Variants in TEX13C observed in about 807,000 individuals in gnomAD.
The protein encoded by TEX13C is TEX13 family member C.
For missense variants in TEX13C, 480 were observed against 298.7 expected, an observed-to-expected ratio of 1.61 and a Z score of -4.47; for synonymous variants, 219 against 116.6, an observed-to-expected ratio of 1.88 and a Z score of -5.65.
rs958389902 is a variant in TEX13C at position 125,322,937 on chromosome X, A to G, written c.2818A>G (p.Lys940Glu). ...GCAGAAGGTCAAGGAACAAAAAAGGAAAAAGGCCTCAGAATCCCAGCAACA... is the reference window on the plus strand; with the variant it reads ...GCAGAAGGTCAAGGAACAAAAAAGGGAAAAGGCCTCAGAATCCCAGCAACA... Residue 940 changes from lysine (K) to glutamate (E), a missense_variant, in exon 1 of 1, where the codon AAA becomes GAA. Physicochemically the swap from Lys to Glu is moderately conservative, Grantham distance 56. Transcript: ENST00000632600. 1.9e-5 allele frequency: 10 copies of G among 513,859 alleles called. No individual in the cohort carries two copies. In the African/African-American group the frequency reaches 2.3e-4, roughly 12 times the overall value. The allele number at this position is 513,859 out of a possible 1,213,427, so 42.3% of individuals were successfully genotyped here.
At position 125,321,729 on chromosome X, in the gene TEX13C, T is replaced by TC; in HGVS notation, c.1615dup (p.Leu539ProfsTer71). On this transcript the variant is annotated frameshift_variant, in exon 1 of 1. Transcript: ENST00000632600. LOFTEE classifies it low-confidence loss of function (END_TRUNC). Reference sequence around the variant, plus strand: ...GATCCAGTGATGCCCCAGAAGATGGTCCCCCTGGGGGACAGCAGAAGCCAC... The same window carrying TC: ...GATCCAGTGATGCCCCAGAAGATGGTCCCCCCTGGGGGACAGCAGAAGCCAC... 2.0e-6 allele frequency: 1 copy of TC among 508,022 alleles called. No homozygotes were observed. Among genetic ancestry groups the TC allele is most frequent in the South Asian group, 2.5e-5 (1 of 40,436 alleles). 41.9% of individuals were successfully genotyped at this position (508,022 alleles called of 1,213,427 possible). A position where few individuals can be genotyped will look rare whatever the true frequency, so the allele number is the denominator to read the frequency against.
chrX:125,322,433 C>T (rs2018856087), exon 1 of TEX13C: 1 of 507,161 alleles, frequency 2.0e-6, no homozygotes. Context: ...CAGCAACAGC[C>T]ATAGCCTGAA....
At chrX:125,320,587 T>C (rs1289271578) in exon 1 of TEX13C, 1 of 514,653 alleles carries the variant, frequency 1.9e-6, no homozygotes, top group Admixed American at 2.6e-5. Flanking sequence ...TGCAGGTCTA[T>C]CCGATGCCTC....
exon 1 of TEX13C, chrX:125,324,510 A>G (rs1281920182): frequency 9.0e-6 from 1 of 111,409 alleles, no homozygotes; most frequent in Admixed American, 9.5e-5. Flanking sequence ...TCCTGGGCTC[A>G]AGTGATCCTC....
chrX:125,320,342 A>G, exon 1 of TEX13C: 1 of 515,751 alleles, frequency 1.9e-6, no homozygotes, highest in South Asian at 2.5e-5. Context: ...TTTGGCGCTG[A>G]GTGTGCAAGT....
chrX:125,322,854 T>C, exon 1 of TEX13C: 1 of 514,940 alleles, frequency 1.9e-6, no homozygotes, highest in Non-Finnish European at 3.5e-6. Context: ...GTAACCCCTC[T>C]GGAGGATAGC....
chrX:125,321,970 C>T (rs1450402551), exon 1 of TEX13C: 6 of 494,347 alleles, frequency 1.2e-5, no homozygotes, highest in African/African-American at 2.5e-5. Context: ...CAGTGGTGCC[C>T]CAGGACACAG....
At position 125,322,961 on chromosome X, in the gene TEX13C, C is replaced by T. The variant is rs776723148; in HGVS notation, c.2842C>T (p.Gln948Ter). The T allele has an allele frequency of 3.9e-6, 2 of 515,645 alleles. No individual in the cohort carries two copies. Among genetic ancestry groups the T allele is most frequent in the Non-Finnish European group, 7.0e-6 (2 of 287,117 alleles). 42.5% of individuals were successfully genotyped at this position (515,645 alleles called of 1,213,427 possible). A position where few individuals can be genotyped will look rare whatever the true frequency, so the allele number is the denominator to read the frequency against. Residue 948 changes from glutamine (Q) to a stop codon, truncating the protein, a stop_gained, in exon 1 of 1, where the codon CAG becomes TAG. Transcript: ENST00000632600. LOFTEE classifies it low-confidence loss of function (END_TRUNC). ...GAAAAAGGCCTCAGAATCCCAGCAA[C>T]AGAAGCCTGCCTCATGCTCCAGCCC...
exon 1 of TEX13C, chrX:125,321,553 T>C (rs1177632193): frequency 2.1e-6 from 1 of 476,476 alleles, no homozygotes; most frequent in African/African-American, 2.9e-5. Flanking sequence ...CCCTGATGTA[T>C]AGCAGGAGGC....
chrX:125,324,130 T>G (rs1178280664), exon 1 of TEX13C: 1 of 111,988 alleles, frequency 8.9e-6, no homozygotes. Context: ...TTAATTTCAT[T>G]TAATTCATTA....
exon 1 of TEX13C, chrX:125,321,170 G>A (rs1459060728): frequency 1.9e-6 from 1 of 513,460 alleles, no homozygotes; most frequent in Non-Finnish European, 3.5e-6. Flanking sequence ...AGCTCCCCCA[G>A]AGTTTAGCAG....
upstream of TEX13C, among the ~76,000 whole-genome samples, chrX:125,319,905 G>A (rs1054581196): frequency 7.1e-5 from 8 of 112,210 alleles, no homozygotes; most frequent in Admixed American, 7.5e-4. Context: ...GATAGGGTTC[G>A]GTGTGGCGAG....
chrX:125,324,534 C>G (rs1408140893), exon 1 of TEX13C: 1 of 111,421 alleles, frequency 9.0e-6, no homozygotes, highest in Non-Finnish European at 1.9e-5. Context: ...CTCAGCCTCC[C>G]GAGTGGCTGT....
At chrX:125,320,085 C>T, upstream of TEX13C, 1 of 460,410 alleles carries the variant, frequency 2.2e-6, no homozygotes, top group Non-Finnish European at 3.8e-6. Flanking sequence ...AGGCGACGCA[C>T]CGTGAGGCAG....
At chrX:125,322,716 A>G (rs1379041507) in exon 1 of TEX13C, 1 of 514,910 alleles carries the variant, frequency 1.9e-6, no homozygotes, top group Admixed American at 2.6e-5. Flanking sequence ...GTGGTGCACC[A>G]GGAGGTGGTC....
At chrX:125,323,188 C>T (rs1210881626) in exon 1 of TEX13C, 1 of 424,181 alleles carries the variant, frequency 2.4e-6, no homozygotes, top group Non-Finnish European at 4.1e-6. Context: ...AAAAAAGTAA[C>T]TTATTTACTT....
In TEX13C at chrX:125,322,043, G is replaced by A. The variant is rs1440052595; in HGVS notation, c.1924G>A (p.Val642Ile). Residue 642 changes from valine to isoleucine, a missense_variant, in exon 1 of 1, where the codon GTC (valine) becomes ATC (isoleucine). Physicochemically the swap from Val to Ile is conservative, Grantham distance 29 (BLOSUM62 3). Transcript: ENST00000632600. ...AGTGCCAGTGATGCCCAAGGAGATG[G>A]TCCCCCTGGGGGACAGCCACAGCCT... 8 of 437,418 alleles carry A rather than the reference G, an allele frequency of 1.8e-5. No homozygotes were observed. The Middle Eastern group carries it at 1.7e-3, about 93-fold the overall frequency. The allele number at this position is 437,418 out of a possible 1,213,427, so 36.0% of individuals were successfully genotyped here. A position where few individuals can be genotyped will look rare whatever the true frequency, so the allele number is the denominator to read the frequency against.
At chrX:125,321,403 C>T in exon 1 of TEX13C, 4 of 514,053 alleles carry the variant, frequency 7.8e-6, no homozygotes, top group Non-Finnish European at 1.4e-5. Flanking sequence ...CAGTGATGCC[C>T]CAGAAGATGG....
chrX:125,323,842 A>AC (rs2018870034), exon 1 of TEX13C: 1 of 111,819 alleles, frequency 8.9e-6, no homozygotes. Flanking sequence ...CCTCACTGAG[A>AC]CCCCAACTGG....
Sources: allele counts gnomAD v4.1 joint callset (sites outside exome capture counted in the v4.1 genomes callset), GRCh38; gene constraint gnomAD v4.1.1; transcripts MANE v1.5; gene names NCBI Gene and HGNC (gene_info 2026-07-23, HGNC 2026-07-21).